CNTNAP2: variants seen among roughly 807,000 people sequenced by gnomAD.
The protein encoded by CNTNAP2 is contactin associated protein 2.
In CNTNAP2, 98 loss-of-function variants were observed where a neutral mutation model predicts 155.2. The ratio of observed to expected loss-of-function variants is 0.63; its 90% CI spans 0.54 to 0.75. The LOEUF is 0.75. Among genes scored for constraint, CNTNAP2 ranks in the 30% least tolerant of loss-of-function variants. The probability of loss-of-function intolerance (pLI) is 0.00; values close to 1 mark genes in which losing one functional copy is unlikely to be tolerated. For synonymous variants in CNTNAP2, 651 were observed against 631.2 expected (o/e 1.03, Z -0.47); for missense variants, 1,727 against 1,688.1 (o/e 1.02, Z -0.40).
chr7:147,058,424 C>G (rs1799603284), intron 4 of CNTNAP2, among the ~76,000 whole-genome samples: 2 of 152,072 alleles, frequency 1.3e-5, no homozygotes, highest in African/African-American at 4.8e-5. Context: ...ATAGAATACA[C>G]TTTGCTAACA....
At chr7:148,033,671 A>G (rs1312942457) in intron 15 of CNTNAP2, among the ~76,000 whole-genome samples, 1 of 152,226 alleles carries the variant, frequency 6.6e-6, no homozygotes. Context: ...GCTTTAAGAA[A>G]TTAGAATTGA....
intron 3 of CNTNAP2, among the ~76,000 whole-genome samples, chr7:146,962,502 A>T (rs1797574861): frequency 6.6e-6 from 1 of 152,218 alleles, no homozygotes; most frequent in African/African-American, 2.4e-5. Flanking sequence ...ACATTGAACT[A>T]AGAGACAAAA....
At chr7:147,331,142 C>T (rs1242792242) in intron 9 of CNTNAP2, among the ~76,000 whole-genome samples, 1 of 151,888 alleles carries the variant, frequency 6.6e-6, no homozygotes, top group African/African-American at 2.4e-5. Context: ...AATTATGCAC[C>T]TGAAATAAGG....
At chr7:147,799,832 G>T (rs1281878588) in intron 13 of CNTNAP2, among the ~76,000 whole-genome samples, 3 of 152,170 alleles carry the variant, frequency 2.0e-5, no homozygotes, top group African/African-American at 7.2e-5. Context: ...ATTGGGTCAA[G>T]TTATCAAGTT....
intron 15 of CNTNAP2, among the ~76,000 whole-genome samples, chr7:148,039,382 G>A (rs950261573): frequency 6.6e-6 from 1 of 152,116 alleles, no homozygotes; most frequent in Non-Finnish European, 1.5e-5. Context: ...GCCCACATGA[G>A]GGAGGATCTT....
chr7:148,361,133 G>A (rs1002905970), intron 21 of CNTNAP2, among the ~76,000 whole-genome samples: 7 of 152,042 alleles, frequency 4.6e-5, no homozygotes, highest in Non-Finnish European at 5.9e-5. Flanking sequence ...TTTCTATATC[G>A]GGTCTCATCT....
At position 147,639,226 on chromosome 7, in the gene CNTNAP2, G is replaced by C; in HGVS notation, c.2018G>C (p.Ser673Thr). The stretch of plus-strand genomic sequence containing the variant: ...TACAGCGCCTCCATGGACCAGATAA[G>C]TGCCATCACTGACAGTGCCGAGTAC... ...LVYSASMDQI[S>T]AITDSAEYCE... is the part of the protein sequence containing the mutation. Residue 673 changes from serine to threonine, a missense_variant, in exon 13 of 24, where the codon AGT becomes ACT. Ser to Thr is a moderately conservative substitution (Grantham distance 58). Coordinates refer to ENST00000361727, the MANE Select transcript of CNTNAP2 (RefSeq NM_014141.6). The C allele has an allele frequency of 6.2e-7, 1 of 1,614,116 alleles. No individual in the cohort carries two copies. The highest frequency in any genetic ancestry group is 8.5e-7 in the Non-Finnish European group (1 of 1,179,990).
At chr7:147,606,088 A>G (rs1436164960) in intron 12 of CNTNAP2, among the ~76,000 whole-genome samples, 2 of 152,186 alleles carry the variant, frequency 1.3e-5, no homozygotes, top group African/African-American at 2.4e-5. Flanking sequence ...TTCGTACAGT[A>G]CATCCCTATG....
chr7:147,129,780 T>C (rs1584862084), intron 7 of CNTNAP2, among the ~76,000 whole-genome samples: 2 of 152,116 alleles, frequency 1.3e-5, no homozygotes. Context: ...AATAAACAGT[T>C]CAGGTTGAAT....
chr7:146,849,630 T>C (rs1258546944), intron 3 of CNTNAP2, among the ~76,000 whole-genome samples: 4 of 152,168 alleles, frequency 2.6e-5, no homozygotes, highest in East Asian at 1.9e-4. Flanking sequence ...AGCGATATAA[T>C]TGTATTTACC....
chr7:147,059,215 C>T (rs1225604947), intron 4 of CNTNAP2, among the ~76,000 whole-genome samples: 2 of 152,252 alleles, frequency 1.3e-5, no homozygotes, highest in East Asian at 1.9e-4. Flanking sequence ...GCATAATACA[C>T]AGTGTGAAAA....
At chr7:146,950,588 C>T (rs934346002) in intron 3 of CNTNAP2, among the ~76,000 whole-genome samples, 2 of 152,128 alleles carry the variant, frequency 1.3e-5, no homozygotes, top group Non-Finnish European at 2.9e-5. Context: ...ATGATGGTTT[C>T]CACCTTTATC....
chr7:148,398,534 C>A (rs1240081868), intron 22 of CNTNAP2, among the ~76,000 whole-genome samples: 1 of 152,252 alleles, frequency 6.6e-6, no homozygotes, highest in African/African-American at 2.4e-5. Context: ...GGTCCATCCA[C>A]AGCCAAAGTA....
intron 13 of CNTNAP2, among the ~76,000 whole-genome samples, chr7:147,820,972 G>GA (rs552609549): frequency 1.3e-5 from 2 of 151,926 alleles, no homozygotes; most frequent in African/African-American, 2.4e-5. Context: ...GTGCTGAATG[G>GA]AAAAAATGTA....
At chr7:148,079,202 G>C (rs893988728) in intron 15 of CNTNAP2, among the ~76,000 whole-genome samples, 1 of 152,156 alleles carries the variant, frequency 6.6e-6, no homozygotes, top group Admixed American at 6.5e-5. Flanking sequence ...CAAGGTGGTC[G>C]GGCTACAGCT....
chr7:146,536,504 A>G (rs936432487), intron 1 of CNTNAP2, among the ~76,000 whole-genome samples: 2 of 152,106 alleles, frequency 1.3e-5, no homozygotes, highest in East Asian at 3.9e-4. Context: ...AATAAGAGAC[A>G]CAGAGAAGCA....
chr7:147,383,207 T>C (rs1460022458), intron 9 of CNTNAP2, among the ~76,000 whole-genome samples: 1 of 152,166 alleles, frequency 6.6e-6, no homozygotes. Flanking sequence ...TGGCTCTGTA[T>C]CCGCCTTACT....
intron 1 of CNTNAP2, among the ~76,000 whole-genome samples, chr7:146,569,527 G>C (rs938460654): frequency 6.6e-6 from 1 of 152,182 alleles, no homozygotes; most frequent in African/African-American, 2.4e-5. Context: ...TTCCAGTAAA[G>C]TAAGTTAATC....
intron 4 of CNTNAP2, among the ~76,000 whole-genome samples, chr7:147,073,856 G>A (rs567640041): frequency 2.6e-5 from 4 of 152,210 alleles, no homozygotes; most frequent in Non-Finnish European, 4.4e-5. Context: ...TTAAACCTGG[G>A]TGATGTGAAT....
Sources: allele counts gnomAD v4.1 joint callset (sites outside exome capture counted in the v4.1 genomes callset), GRCh38; gene constraint gnomAD v4.1.1; transcripts MANE v1.5; gene names NCBI Gene and HGNC (gene_info 2026-07-23, HGNC 2026-07-21).